Variants in USP28 observed in about 807,000 individuals in gnomAD.
The protein encoded by USP28 is ubiquitin specific peptidase 28.
USP28 carries 113 observed loss-of-function variants against 145.0 expected under a neutral mutation model. The observed-to-expected ratio is 0.78, with a 90% CI of 0.67 to 0.91. The LOEUF (loss-of-function observed/expected upper bound fraction) is 0.91, where lower values mean the gene tolerates loss of function less well. Ranked by LOEUF, USP28 falls within the 40% of genes least tolerant of loss-of-function variation. USP28 has a pLI of 0.00. For synonymous variants in USP28, 447 were observed against 450.9 expected (o/e 0.99, Z 0.11); for missense variants, 1,201 against 1,289.6 (o/e 0.93, Z 1.05).
chr11:113,798,703 G>A (rs979636576), exon 25 of USP28: 1 of 152,610 alleles, frequency 6.6e-6, no homozygotes, highest in Non-Finnish European at 1.5e-5. Flanking sequence ...ACTGCCATGT[G>A]AGCTTATATT....
intron 6 of USP28, 42 bp downstream of exon 6, chr11:113,834,207 G>A (rs1944323075): frequency 6.8e-7 from 1 of 1,481,024 alleles, no homozygotes; most frequent in Non-Finnish European, 9.3e-7. Context: ...AGGGATGAAA[G>A]GGACTAAACA....
At chr11:113,861,185 T>C (rs1272069414) in intron 1 of USP28, among the ~76,000 whole-genome samples, 6 of 150,916 alleles carry the variant, frequency 4.0e-5, no homozygotes, top group Non-Finnish European at 8.9e-5. Flanking sequence ...CTTTCCAACC[T>C]CCATAAAACA....
chr11:113,831,008 A>G, intron 8 of USP28, 65 bp from the exon 9 acceptor site: 1 of 1,574,866 alleles, frequency 6.3e-7, no homozygotes, highest in South Asian at 1.1e-5. Context: ...CATAAAATCC[A>G]AGCATCATTC....
intron 24 of USP28, 95 bp downstream of exon 25, chr11:113,801,388 C>T: frequency 1.0e-6 from 1 of 972,904 alleles, no homozygotes; most frequent in Non-Finnish European, 1.5e-6. Context: ...GGTTCCAATT[C>T]CTTAAAAAGG....
In USP28 at chr11:113,833,585, T is replaced by C. The variant is rs756370321; in HGVS notation, c.622-28A>G. On this transcript the variant is annotated intron_variant, in intron 6 of 24. Transcript: ENST00000003302. Reference sequence around the variant, plus strand: ...GTAGAAAACACAGTACATGTACTCTTACAATATCTCATTTAGAAAATCAGA... The same window carrying C: ...GTAGAAAACACAGTACATGTACTCTCACAATATCTCATTTAGAAAATCAGA... 1.9e-6 allele frequency: 3 copies of C among 1,581,756 alleles called. No homozygotes were observed. The South Asian group carries it at 3.4e-5, about 18-fold the overall frequency.
At chr11:113,805,390 G>C (rs1565327775) in intron 19 of USP28, among the ~76,000 whole-genome samples, 2 of 151,658 alleles carry the variant, frequency 1.3e-5, no homozygotes, top group Non-Finnish European at 2.9e-5. Flanking sequence ...CAAGTAGCTG[G>C]GACTACAGGC....
intron 3 of USP28, among the ~76,000 whole-genome samples, chr11:113,846,436 G>A (rs1485893179): frequency 6.6e-6 from 1 of 152,108 alleles, no homozygotes; most frequent in African/African-American, 2.4e-5. Context: ...TACTGTATAA[G>A]TCCACTTATA....
chr11:113,797,925 ATT>A (rs1177329450), exon 25 of USP28: 1 of 152,522 alleles, frequency 6.6e-6, no homozygotes, highest in African/African-American at 2.4e-5. Context: ...AGTTGTATCA[ATT>A]TTTTTCCCTT....
chr11:113,829,311 C>T (rs956347958), exon 10 of USP28: 8 of 1,614,058 alleles, frequency 5.0e-6, no homozygotes, highest in Non-Finnish European at 6.8e-6. Context: ...GAAGAGGATA[C>T]TGGCCGAAGG....
At chr11:113,809,071 G>A in exon 17 of USP28, 1 of 1,613,812 alleles carries the variant, frequency 6.2e-7, no homozygotes, top group Non-Finnish European at 8.5e-7. Context: ...ACCTTGTGAT[G>A]TAGAGTAGTC....
intron 3 of USP28, among the ~76,000 whole-genome samples, chr11:113,842,238 A>G (rs988467039): frequency 6.6e-6 from 1 of 152,154 alleles, no homozygotes; most frequent in Admixed American, 6.5e-5. Flanking sequence ...CAAAATACCT[A>G]AACAAAATAT....
chr11:113,833,613 G>C (rs963524026), intron 6 of USP28, 56 bp from the exon 7 acceptor site: 2 of 1,543,076 alleles, frequency 1.3e-6, no homozygotes, highest in Non-Finnish European at 1.7e-6. Context: ...AAATCAGAAC[G>C]TGTAAAGAAA....
chr11:113,833,729 C>G lies in USP28; in HGVS notation c.622-172G>C, dbSNP rs572099203. On this transcript the variant is annotated intron_variant, in intron 6 of 24. Transcript: ENST00000003302. ...ACTCTGGTAAGGACTGTACTCTAAA[C>G]TGAAGAATAACTATGTAGAAGCCAG... Among the ~76,000 whole-genome samples the G allele has an allele frequency of 3.9e-5, 6 of 152,278 alleles. No individual in the cohort carries two copies. In the East Asian group the frequency reaches 1.2e-3, roughly 29 times the overall value.
intron 1 of USP28, chr11:113,874,443 A>AC (rs1949167628): frequency 1.8e-6 from 2 of 1,118,066 alleles, no homozygotes; most frequent in African/African-American, 3.3e-5. Context: ...AAAAAAAAAA[A>AC]AAAAAAGTGT....
At chr11:113,798,075 T>TG (rs1209368981) in exon 25 of USP28, 3 of 132,026 alleles carry the variant, frequency 2.3e-5, no homozygotes, top group Non-Finnish European at 4.6e-5. Flanking sequence ...GGTTTTTTTT[T>TG]TTTTTTTTTT....
chr11:113,813,144 C>G (rs1941247423), intron 15 of USP28, among the ~76,000 whole-genome samples: 1 of 152,232 alleles, frequency 6.6e-6, no homozygotes, highest in African/African-American at 2.4e-5. Flanking sequence ...TAAATTTACA[C>G]TTACTTTGAC....
intron 13 of USP28, among the ~76,000 whole-genome samples, chr11:113,817,112 A>G (rs1373960161): frequency 6.6e-6 from 1 of 152,186 alleles, no homozygotes; most frequent in Non-Finnish European, 1.5e-5. Flanking sequence ...CCTCTAGGCA[A>G]TAAAGATTGT....
At chr11:113,839,421 C>T (rs1386268272) in intron 5 of USP28, among the ~76,000 whole-genome samples, 1 of 152,062 alleles carries the variant, frequency 6.6e-6, no homozygotes, top group Non-Finnish European at 1.5e-5. Flanking sequence ...CTCATCTCTA[C>T]TAAAAATACA....
At chr11:113,857,117 G>A (rs150808894) in intron 1 of USP28, among the ~76,000 whole-genome samples, 2,179 of 152,206 alleles carry the variant, frequency 0.014, 144 homozygotes, top group Admixed American at 0.11. Flanking sequence ...GGCAGTCCTG[G>A]GAGACATATA....
Sources: allele counts gnomAD v4.1 joint callset (sites outside exome capture counted in the v4.1 genomes callset), GRCh38; gene constraint gnomAD v4.1.1; transcripts MANE v1.5; gene names NCBI Gene and HGNC (gene_info 2026-07-23, HGNC 2026-07-21).